TTC6: variants seen among roughly 807,000 people sequenced by gnomAD.
TTC6 encodes the protein tetratricopeptide repeat domain 6, also known as tetratricopeptide repeat protein 6.
A neutral mutation model predicts 210.4 loss-of-function variants in TTC6; 172 were observed. The observed-to-expected ratio is 0.82, with a 90% confidence interval of 0.72 to 0.93. The LOEUF is 0.93. TTC6 is among the 40% of genes least tolerant of loss of function. The pLI, the probability that TTC6 is intolerant of heterozygous loss-of-function variation, is 0.00. For synonymous variants in TTC6, 804 were observed against 819.6 expected, an observed-to-expected ratio of 0.98 and a Z score of 0.32; for missense variants, 2,414 against 2,318.1, an observed-to-expected ratio of 1.04 and a Z score of -0.85.
chr14:37,748,866 G>T, intron 10 of TTC6, 73 bp from the exon 13 acceptor site: 1 of 1,195,506 alleles, frequency 8.4e-7, no homozygotes, highest in Non-Finnish European at 1.1e-6. Flanking sequence ...TTTATGTGTG[G>T]CTGAGTTGAT....
intron 24 of TTC6, 94 bp downstream of exon 26, chr14:37,808,940 T>A (rs2096124054): frequency 1.5e-6 from 1 of 656,222 alleles, no homozygotes; most frequent in Non-Finnish European, 2.6e-6. Context: ...AAATATTTAA[T>A]AAACAATATG....
intron 3 of TTC6, among the ~76,000 whole-genome samples, chr14:37,696,108 A>G (rs994282555): frequency 6.6e-6 from 1 of 152,116 alleles, no homozygotes; most frequent in African/African-American, 2.4e-5. Flanking sequence ...CTTCTTTACT[A>G]CTGTATCAAA....
At chr14:37,802,416 C>T (rs955517222) in intron 20 of TTC6, 4 of 151,898 alleles carry the variant, frequency 2.6e-5, no homozygotes, top group African/African-American at 9.7e-5. Context: ...AAAAATGAAA[C>T]TGGGGCTGTC....
chr14:37,630,091 CTCATTTTAGTTA>C (rs1465071694), intron 1 of TTC6, among the ~76,000 whole-genome samples: 2 of 152,042 alleles, frequency 1.3e-5, no homozygotes, highest in African/African-American at 2.4e-5. Flanking sequence ...TGGTTCTGAT[CTCATTTTAGTTA>C]TTTCTTGTCT....
intron 20 of TTC6, among the ~76,000 whole-genome samples, chr14:37,799,644 A>G (rs879404593): frequency 2.0e-5 from 3 of 152,158 alleles, no homozygotes; most frequent in Admixed American, 2.0e-4. Flanking sequence ...GCAAAGAATT[A>G]TACTATGAAC....
At chr14:37,776,826 G>A (rs2096039188) in intron 14 of TTC6, among the ~76,000 whole-genome samples, 1 of 151,796 alleles carries the variant, frequency 6.6e-6, no homozygotes, top group Non-Finnish European at 1.5e-5. Flanking sequence ...GGCGGGGGCG[G>A]GCTGAGGTTG....
chr14:37,765,758 A>G (rs2095997339), intron 14 of TTC6, among the ~76,000 whole-genome samples: 2 of 151,854 alleles, frequency 1.3e-5, no homozygotes, highest in Non-Finnish European at 2.9e-5. Context: ...TTCAGGTTTC[A>G]TTTACTCGGA....
chr14:37,647,464 G>A (rs1030546190), intron 1 of TTC6, among the ~76,000 whole-genome samples: 5 of 152,144 alleles, frequency 3.3e-5, no homozygotes, highest in African/African-American at 1.2e-4. Context: ...GTGTGTTGCA[G>A]GAGAGGAAAG....
exon 14 of TTC6, chr14:37,753,175 T>G: frequency 6.5e-7 from 1 of 1,535,594 alleles, no homozygotes; most frequent in Non-Finnish European, 8.7e-7. Flanking sequence ...GAAAACTGGT[T>G]TGCAGCCATA....
intron 14 of TTC6, among the ~76,000 whole-genome samples, chr14:37,773,236 A>G (rs933854475): frequency 4.6e-5 from 7 of 152,124 alleles, no homozygotes; most frequent in African/African-American, 1.7e-4. Context: ...CTCTGTTGAT[A>G]GTTTCTTTTG....
chr14:37,730,939 A>G (rs2095884365), intron 7 of TTC6, among the ~76,000 whole-genome samples: 1 of 152,206 alleles, frequency 6.6e-6, no homozygotes, highest in African/African-American at 2.4e-5. Flanking sequence ...CCACTGTTCT[A>G]GAGGCTGGAG....
chr14:37,783,763 C>A (rs1024643274), intron 14 of TTC6, among the ~76,000 whole-genome samples: 2 of 151,846 alleles, frequency 1.3e-5, no homozygotes, highest in East Asian at 1.9e-4. Flanking sequence ...CTCTTATGGG[C>A]ATTTAGTGCT....
intron 24 of TTC6, among the ~76,000 whole-genome samples, chr14:37,809,252 T>G (rs2096124753): frequency 1.8e-5 from 1 of 56,384 alleles, no homozygotes; most frequent in Non-Finnish European, 4.8e-5. Context: ...GCAGAATTTT[T>G]TTTTTTTTTT....
At chr14:37,614,098 C>T (rs1391025746) in intron 2 of TTC6, among the ~76,000 whole-genome samples, 1 of 151,952 alleles carries the variant, frequency 6.6e-6, no homozygotes, top group African/African-American at 2.4e-5. Context: ...GTATAAGTTT[C>T]CTTCTAAACA....
chr14:37,838,952 C>T (rs949107045), intron 29 of TTC6, among the ~76,000 whole-genome samples: 4 of 152,178 alleles, frequency 2.6e-5, no homozygotes, highest in Non-Finnish European at 4.4e-5. Flanking sequence ...TGGTTTCCAG[C>T]TTCATCCATG....
chr14:37,820,932 C>T (rs1039729068), intron 26 of TTC6, among the ~76,000 whole-genome samples: 115 of 146,030 alleles, frequency 7.9e-4, no homozygotes, highest in Non-Finnish European at 1.2e-3. Flanking sequence ...TCCTTCTTCT[C>T]CTCCTCCTTC....
At chr14:37,658,829 C>T (rs1448526425) in intron 1 of TTC6, among the ~76,000 whole-genome samples, 1 of 152,106 alleles carries the variant, frequency 6.6e-6, no homozygotes, top group African/African-American at 2.4e-5. Context: ...TACAGATAAA[C>T]TCACGTCATG....
intron 29 of TTC6, among the ~76,000 whole-genome samples, chr14:37,833,137 A>G (rs1449350684): frequency 6.6e-6 from 1 of 151,242 alleles, no homozygotes; most frequent in Non-Finnish European, 1.5e-5. Context: ...TTTGGTCTGT[A>G]GTGCAGTTTA....
exon 2 of TTC6, chr14:37,680,200 C>A: frequency 6.5e-7 from 1 of 1,534,216 alleles, no homozygotes. Flanking sequence ...CCTATGCAAG[C>A]AGAAACACCT....
Sources: gnomAD v4.1 joint callset for allele counts (sites outside exome capture counted in the v4.1 genomes callset) on GRCh38, gnomAD v4.1.1 for gene constraint, MANE v1.5 for transcripts, NCBI Gene and HGNC (gene_info 2026-07-23, HGNC 2026-07-21) for gene names.